The following CDH4 variants were observed in gnomAD, a reference collection of about 807,000 sequenced individuals.
CDH4 encodes the protein cadherin-4.
Under a neutral mutation model 86.0 loss-of-function variants are expected in CDH4, and 33 were observed. That is an observed-to-expected ratio of 0.38 (90% CI 0.29 to 0.51). The LOEUF is 0.51. Among genes scored for constraint, CDH4 ranks in the 20% least tolerant of loss-of-function variants. The pLI, the probability that CDH4 is intolerant of heterozygous loss-of-function variation, is 0.86. For missense variants in CDH4, 1,114 were observed against 1,307.4 expected, an observed-to-expected ratio of 0.85 and a Z score of 2.28; for synonymous variants, 555 against 549.4, an observed-to-expected ratio of 1.01 and a Z score of -0.14.
chr20:61,867,369 G>C (rs973648768), intron 6 of CDH4, among the ~76,000 whole-genome samples: 5 of 152,154 alleles, frequency 3.3e-5, no homozygotes, highest in Admixed American at 2.6e-4. Flanking sequence ...GACCAACATG[G>C]AGAAACCCCA....
intron 2 of CDH4, among the ~76,000 whole-genome samples, chr20:61,324,768 C>G (rs2123248803): frequency 6.6e-6 from 1 of 152,256 alleles, no homozygotes; most frequent in South Asian, 2.1e-4. Context: ...TTCTAGCGCC[C>G]AGGAAGAGTT....
In CDH4 at chr20:61,518,257, G is replaced by A. The variant is rs2085838856; in HGVS notation, c.170-225306G>A. Among the ~76,000 whole-genome samples the A allele has an allele frequency of 6.6e-6, 1 of 152,278 alleles. No homozygotes were observed. Among genetic ancestry groups the A allele is most frequent in the Admixed American group, 6.5e-5 (1 of 15,298 alleles). The stretch of plus-strand genomic sequence containing the variant: ...TGCCTCTCCACAGGCTGACTGCATG[G>A]TGGTGGTATAATTCCCACTATAAAG... On this transcript the variant is annotated intron_variant, in intron 2 of 15. Coordinates refer to ENST00000614565, the MANE Select transcript of CDH4 (RefSeq NM_001794.5). This position sits in a 1 kb window ranked among gnomAD's most constrained non-coding sequence, Gnocchi z 6.3.
intron 2 of CDH4, among the ~76,000 whole-genome samples, chr20:61,640,467 C>T (rs543737337): frequency 2.0e-5 from 3 of 151,876 alleles, no homozygotes; most frequent in Admixed American, 1.3e-4. Flanking sequence ...TGCTGGCTTC[C>T]GGGGCCTATG....
rs2084990218 is a variant in CDH4 at position 61,392,178 on chromosome 20, G to A, written c.169+137241G>A. ...CCCGGGCATGTGACACGGTCACAGG[G>A]ACTCCTCCAGTGGTTTAACGTGCAG... On this transcript the variant is annotated intron_variant, in intron 2 of 15. Coordinates refer to ENST00000614565, the MANE Select transcript of CDH4 (RefSeq NM_001794.5). The surrounding 1 kb of genome is among the most constrained non-coding windows in gnomAD (Gnocchi z 5.7). Among the ~76,000 whole-genome samples the A allele has an allele frequency of 6.6e-6, 1 of 151,722 alleles. No individual in the cohort carries two copies. The highest frequency in any genetic ancestry group is 1.5e-5 in the Non-Finnish European group (1 of 67,968).
intron 13 of CDH4, among the ~76,000 whole-genome samples, chr20:61,930,954 G>A (rs1027598220): frequency 3.3e-5 from 5 of 151,834 alleles, no homozygotes; most frequent in Admixed American, 3.3e-4. Context: ...GGCCCGTGCA[G>A]GAGACCTGGG....
intron 2 of CDH4, among the ~76,000 whole-genome samples, chr20:61,541,212 C>T (rs1391451799): frequency 6.6e-6 from 1 of 152,174 alleles, no homozygotes; most frequent in Non-Finnish European, 1.5e-5. Flanking sequence ...AATCCCGGCT[C>T]ATGTGCTGCC....
chr20:61,924,503 G>A lies in CDH4; in HGVS notation c.1771+27G>A, dbSNP rs200234356. The A allele has an allele frequency of 6.7e-4, 1,074 of 1,602,910 alleles. 1 individual carries two copies. The highest frequency in any genetic ancestry group is 7.4e-4 in the Non-Finnish European group (874 of 1,174,412). The stretch of plus-strand genomic sequence containing the variant: ...TGCGGCCCACCCCAGGGAGGCAGCC[G>A]TCTCGGTGGCCTTCCCGTGTCCTGG... On this transcript the variant is annotated intron_variant, in intron 11 of 15. Transcript: ENST00000614565.
chr20:61,369,450 C>CAAA (rs144885482), intron 2 of CDH4, among the ~76,000 whole-genome samples: 6 of 56,586 alleles, frequency 1.1e-4, no homozygotes, highest in Non-Finnish European at 1.5e-4. Context: ...GACTCTGTCT[C>CAAA]AAAAAAAAAA....
At chr20:61,402,220 A>C (rs756288779) in intron 2 of CDH4, among the ~76,000 whole-genome samples, 2 of 152,192 alleles carry the variant, frequency 1.3e-5, no homozygotes, top group African/African-American at 2.4e-5. Context: ...CCTTGATGTA[A>C]AATGATGCAG....
intron 2 of CDH4, among the ~76,000 whole-genome samples, chr20:61,473,961 AATT>A (rs2085520510): frequency 6.6e-6 from 1 of 152,166 alleles, no homozygotes; most frequent in African/African-American, 2.4e-5. Context: ...ACTGTATACT[AATT>A]AATATATGGT....
intron 5 of CDH4, among the ~76,000 whole-genome samples, chr20:61,845,641 G>A (rs1234364269): frequency 6.6e-6 from 1 of 152,244 alleles, no homozygotes. Flanking sequence ...GGCAGATGCT[G>A]TCGCCTCTCC....
intron 2 of CDH4, among the ~76,000 whole-genome samples, chr20:61,425,868 C>T (rs961213856): frequency 6.6e-6 from 1 of 151,048 alleles, no homozygotes; most frequent in African/African-American, 2.4e-5. Context: ...CCGCCCAGGG[C>T]AGAATGGCCA....
At chr20:61,563,073 G>T (rs73320402) in intron 2 of CDH4, among the ~76,000 whole-genome samples, 6 of 152,062 alleles carry the variant, frequency 3.9e-5, no homozygotes, top group Non-Finnish European at 7.4e-5. Flanking sequence ...ACGAGGGTCC[G>T]TGGGGAGCCC....
At chr20:61,547,977 T>G (rs1167931177) in intron 2 of CDH4, among the ~76,000 whole-genome samples, 3 of 152,194 alleles carry the variant, frequency 2.0e-5, no homozygotes, top group African/African-American at 7.2e-5. Context: ...ACACATGCCC[T>G]TGGCCTTGAG....
chr20:61,332,986 T>C (rs1201581686), intron 2 of CDH4, among the ~76,000 whole-genome samples: 1 of 152,226 alleles, frequency 6.6e-6, no homozygotes, highest in Non-Finnish European at 1.5e-5. Flanking sequence ...CTTCAGCCTT[T>C]CTTCCCCACC....
At chr20:61,536,384 A>G (rs904276847) in intron 2 of CDH4, among the ~76,000 whole-genome samples, 5 of 152,114 alleles carry the variant, frequency 3.3e-5, no homozygotes, top group Non-Finnish European at 5.9e-5. Flanking sequence ...ACCCAAACAG[A>G]ACAACCCATG....
chr20:61,630,523 C>A (rs988766373), intron 2 of CDH4, among the ~76,000 whole-genome samples: 5 of 152,230 alleles, frequency 3.3e-5, no homozygotes, highest in African/African-American at 1.2e-4. Flanking sequence ...ACGGCCACAC[C>A]TGCAGGCCCC....
intron 4 of CDH4, among the ~76,000 whole-genome samples, chr20:61,840,606 G>A (rs146628918): frequency 1.3e-5 from 2 of 152,352 alleles, no homozygotes; most frequent in African/African-American, 2.4e-5. Context: ...GCGGAAGAGC[G>A]TGGGTCTCCA....
intron 2 of CDH4, among the ~76,000 whole-genome samples, chr20:61,465,144 T>G (rs1398494296): frequency 1.3e-5 from 2 of 152,204 alleles, no homozygotes; most frequent in Non-Finnish European, 2.9e-5. Context: ...CAAGGTATTG[T>G]GTATCTTTCT....
Sources: allele counts gnomAD v4.1 joint callset (sites outside exome capture counted in the v4.1 genomes callset), GRCh38; gene constraint gnomAD v4.1.1; non-coding constraint Gnocchi (gnomAD v3.1); transcripts MANE v1.5; gene names NCBI Gene and HGNC (gene_info 2026-07-23, HGNC 2026-07-21).